NELL1: variants seen among roughly 807,000 people sequenced by gnomAD.
The protein encoded by NELL1 is neural EGFL like 1.
Under a neutral mutation model 107.4 loss-of-function variants are expected in NELL1, and 76 were observed. That is an observed-to-expected ratio of 0.71 (90% CI 0.59 to 0.86). The LOEUF (loss-of-function observed/expected upper bound fraction) is 0.86, where lower values mean the gene tolerates loss of function less well. NELL1 is among the 40% of genes least tolerant of loss of function. The pLI, the probability that NELL1 is intolerant of heterozygous loss-of-function variation, is 0.00. For missense variants in NELL1, 1,024 were observed against 1,005.5 expected (o/e 1.02, Z -0.25); for synonymous variants, 353 against 341.2 (o/e 1.03, Z -0.38).
At chr11:20,760,553 C>G (rs1856396459) in intron 2 of NELL1, among the ~76,000 whole-genome samples, 1 of 151,560 alleles carries the variant, frequency 6.6e-6, no homozygotes, top group African/African-American at 2.4e-5. Flanking sequence ...TCTCTGTCCT[C>G]AAGGGCATGG....
At chr11:20,787,567 G>C (rs189713727) in intron 3 of NELL1, among the ~76,000 whole-genome samples, 25 of 152,256 alleles carry the variant, frequency 1.6e-4, no homozygotes, top group African/African-American at 6.0e-4. Flanking sequence ...AATAGCAGAA[G>C]ATCCAGGTAT....
chr11:20,952,141 A>G lies in NELL1; in HGVS notation c.1171+4706A>G, dbSNP rs117713093. Among the ~76,000 whole-genome samples the G allele has an allele frequency of 2.1e-3, 321 of 152,206 alleles. 5 individuals carry two copies. In the East Asian group the frequency reaches 0.051, roughly 24 times the overall value. On this transcript the variant is annotated intron_variant, in intron 11 of 19. Coordinates refer to ENST00000357134, the MANE Select transcript of NELL1 (RefSeq NM_006157.5). ...GACCCATCATTTGACCCATCCCGGA[A>G]TTCTTGACATACTCCTCAGGGTTTT...
intron 15 of NELL1, among the ~76,000 whole-genome samples, chr11:21,402,666 A>C (rs1852126413): frequency 1.3e-5 from 2 of 150,268 alleles, no homozygotes; most frequent in African/African-American, 4.9e-5. Context: ...TTTAAACAAA[A>C]TTCACCTTTT....
chr11:21,281,818 C>T (rs1037684293), intron 14 of NELL1, among the ~76,000 whole-genome samples: 1 of 152,150 alleles, frequency 6.6e-6, no homozygotes, highest in Non-Finnish European at 1.5e-5. Flanking sequence ...CTAGGAGATG[C>T]CTATCTCTCG....
intron 14 of NELL1, among the ~76,000 whole-genome samples, chr11:21,279,240 G>A (rs1408697811): frequency 6.6e-6 from 1 of 152,094 alleles, no homozygotes; most frequent in African/African-American, 2.4e-5. Flanking sequence ...ATACAGTCAA[G>A]GGAACAGTTC....
chr11:21,200,491 T>C (rs988557683), intron 13 of NELL1, among the ~76,000 whole-genome samples: 1 of 151,806 alleles, frequency 6.6e-6, no homozygotes, highest in Non-Finnish European at 1.5e-5. Flanking sequence ...TGATTTTTTT[T>C]CTTGTAAATT....
At chr11:21,491,941 T>A (rs574827205) in intron 15 of NELL1, among the ~76,000 whole-genome samples, 61 of 152,196 alleles carry the variant, frequency 4.0e-4, no homozygotes, top group Admixed American at 6.6e-4. Context: ...TTCCTAGGTA[T>A]TTTATTCTCT....
intron 15 of NELL1, among the ~76,000 whole-genome samples, chr11:21,503,073 G>A (rs1042140882): frequency 3.3e-5 from 5 of 152,070 alleles, no homozygotes; most frequent in South Asian, 2.1e-4. Flanking sequence ...TAGAGACGGG[G>A]TTTCTCCATG....
chr11:20,866,750 T>G (rs1388242930), intron 4 of NELL1, among the ~76,000 whole-genome samples: 1 of 152,206 alleles, frequency 6.6e-6, no homozygotes, highest in Non-Finnish European at 1.5e-5. Context: ...CTTCTTTTAT[T>G]GTCTTTGAAG....
At chr11:21,348,912 G>T (rs1010179753) in intron 14 of NELL1, among the ~76,000 whole-genome samples, 2 of 152,176 alleles carry the variant, frequency 1.3e-5, no homozygotes, top group Admixed American at 1.3e-4. Context: ...GGAAAGTTGG[G>T]CTGGGGTCAG....
intron 16 of NELL1, among the ~76,000 whole-genome samples, chr11:21,545,437 T>A (rs894232289): frequency 6.6e-6 from 1 of 151,918 alleles, no homozygotes; most frequent in African/African-American, 2.4e-5. Context: ...ACTTTGAGAC[T>A]TTATTGGAGA....
intron 2 of NELL1, among the ~76,000 whole-genome samples, chr11:20,750,455 G>A (rs2133944383): frequency 6.6e-6 from 1 of 151,668 alleles, no homozygotes; most frequent in East Asian, 1.9e-4. Flanking sequence ...TTTCTTTTGT[G>A]GCTTTTTGTG....
rs538401829 is a variant in NELL1 at position 21,046,406 on chromosome 11, G to T, written c.1301-67183G>T. On this transcript the variant is annotated intron_variant, in intron 12 of 19. Transcript: ENST00000357134. ...GTACTGACTGTTTCAGCCTAGATTG[G>T]GTTTAGCATGCCTCAACTATAATGT... Among the ~76,000 whole-genome samples, 38 of 152,138 alleles carry T rather than the reference G, an allele frequency of 2.5e-4. No individual in the cohort carries two copies. In the South Asian group the frequency reaches 7.1e-3, roughly 28 times the overall value.
chr11:20,937,404 C>T (rs1850749310), intron 9 of NELL1, among the ~76,000 whole-genome samples: 1 of 152,204 alleles, frequency 6.6e-6, no homozygotes, highest in Admixed American at 6.5e-5. Flanking sequence ...ATATGTGAGT[C>T]CCCTTTCACC....
At chr11:20,691,525 G>A (rs1429781550) in intron 2 of NELL1, among the ~76,000 whole-genome samples, 1 of 152,030 alleles carries the variant, frequency 6.6e-6, no homozygotes, top group Non-Finnish European at 1.5e-5. Context: ...GGCCTTTTTT[G>A]CATTTATTGA....
rs75652984 is a variant in NELL1 at position 21,561,295 on chromosome 11, C to G, written c.1980+913C>G. Among the ~76,000 whole-genome samples, 711 of 152,192 alleles carry G rather than the reference C, an allele frequency of 4.7e-3. 4 individuals carry two copies. Among genetic ancestry groups the G allele is most frequent in the African/African-American group, 0.016 (682 of 41,572 alleles). On this transcript the variant is annotated intron_variant, in intron 17 of 19. Transcript: ENST00000357134. ...ATCCAGTTCATCCACTTGCCTTCAT[C>G]TGCCACACATCCACAGACCTGGGGC... is the stretch of plus-strand genomic sequence containing the variant.
chr11:21,136,193 A>T (rs543983120), intron 13 of NELL1, among the ~76,000 whole-genome samples: 1 of 152,284 alleles, frequency 6.6e-6, no homozygotes, highest in South Asian at 2.1e-4. Context: ...CTGTGAGAAC[A>T]TTTCATTCAG....
Position 20,898,507 on chromosome 11 carries a change from A to C in NELL1, c.603+12967A>C, listed in dbSNP as rs181158428. 4.7e-3 allele frequency among the ~76,000 whole-genome samples: 719 copies of C among 151,726 alleles called. 2 individuals carry two copies. Among genetic ancestry groups the C allele is most frequent in the African/African-American group, 0.017 (685 of 41,506 alleles). ...ACTGGGTACAGCACACCAACATGGCACATATATATATATGTAACAAACCTG... is the reference window on the plus strand; with the variant it reads ...ACTGGGTACAGCACACCAACATGGCCCATATATATATATGTAACAAACCTG... On this transcript the variant is annotated intron_variant, in intron 5 of 19. Coordinates refer to ENST00000357134, the MANE Select transcript of NELL1 (RefSeq NM_006157.5).
At chr11:20,828,082 C>T (rs1857923462) in intron 3 of NELL1, among the ~76,000 whole-genome samples, 1 of 151,218 alleles carries the variant, frequency 6.6e-6, no homozygotes, top group South Asian at 2.1e-4. Context: ...ACTTGGGTTT[C>T]TATCTTGGAT....
Sources: allele counts gnomAD v4.1 joint callset (sites outside exome capture counted in the v4.1 genomes callset), GRCh38; gene constraint gnomAD v4.1.1; transcripts MANE v1.5; gene names NCBI Gene and HGNC (gene_info 2026-07-23, HGNC 2026-07-21).